ULK4: variants seen among roughly 807,000 people sequenced by gnomAD.
The protein encoded by ULK4 is unc-51 like kinase 4, also known as inactive serine/threonine-protein kinase ULK4.
In ULK4, 133 loss-of-function variants were observed where a neutral mutation model predicts 160.6. The observed-to-expected ratio is 0.83, with a 90% CI of 0.72 to 0.96. The LOEUF (loss-of-function observed/expected upper bound fraction) is 0.96, where lower values mean the gene tolerates loss of function less well. Ranked by LOEUF, ULK4 falls within the 40% of genes least tolerant of loss-of-function variation. The probability of loss-of-function intolerance (pLI) is 0.00; values close to 1 mark genes in which losing one functional copy is unlikely to be tolerated. For missense variants in ULK4, 1,580 were observed against 1,499.5 expected, an observed-to-expected ratio of 1.05 and a Z score of -0.89; for synonymous variants, 534 against 539.8, an observed-to-expected ratio of 0.99 and a Z score of 0.15.
At chr3:41,398,389 T>C (rs2082110541) in intron 34 of ULK4, 125 bp from the exon 35 acceptor site, 1 of 106,394 alleles carries the variant, frequency 9.4e-6, no homozygotes, top group Non-Finnish European at 1.4e-5. Context: ...ACTTTTTTAC[T>C]TTTTTTTTTT....
intron 33 of ULK4, 60 bp downstream of exon 33, chr3:41,463,014 AGAAAGAAGAGAAT>A: frequency 6.7e-7 from 1 of 1,503,096 alleles, no homozygotes; most frequent in Non-Finnish European, 9.0e-7. Context: ...GAGGAAGATA[AGAAAGAAGAGAAT>A]GAAAGGGAAG....
intron 21 of ULK4, among the ~76,000 whole-genome samples, chr3:41,773,113 C>T (rs1472603300): frequency 6.6e-6 from 1 of 152,174 alleles, no homozygotes; most frequent in Non-Finnish European, 1.5e-5. Context: ...CAGCCAATAT[C>T]ATACTGAATG....
intron 35 of ULK4, among the ~76,000 whole-genome samples, chr3:41,370,797 T>C (rs2081349236): frequency 6.6e-6 from 1 of 152,162 alleles, no homozygotes; most frequent in South Asian, 2.1e-4. Context: ...ATGAAAGAAC[T>C]GTTCACTACC....
chr3:41,747,699 A>G (rs974528117), intron 22 of ULK4, among the ~76,000 whole-genome samples: 2 of 152,174 alleles, frequency 1.3e-5, no homozygotes, highest in African/African-American at 4.8e-5. Flanking sequence ...CTAATCCAGC[A>G]GCAATGGTGT....
chr3:41,386,688 T>C (rs538515174), intron 35 of ULK4, among the ~76,000 whole-genome samples: 27 of 152,312 alleles, frequency 1.8e-4, no homozygotes, highest in African/African-American at 6.5e-4. Flanking sequence ...CTGGTTGATT[T>C]TTCCTATTAA....
intron 35 of ULK4, among the ~76,000 whole-genome samples, chr3:41,371,207 T>C (rs2081359629): frequency 6.6e-6 from 1 of 152,180 alleles, no homozygotes; most frequent in African/African-American, 2.4e-5. Context: ...AAGGGGCGGC[T>C]GTGGGCACAG....
chr3:41,305,435 C>T (rs971020205), intron 35 of ULK4, among the ~76,000 whole-genome samples: 13 of 152,230 alleles, frequency 8.5e-5, no homozygotes, highest in African/African-American at 1.4e-4. Flanking sequence ...TTGGCCAGGC[C>T]GGTCTCCAGC....
intron 12 of ULK4, among the ~76,000 whole-genome samples, chr3:41,905,773 CAT>C (rs1698531561): frequency 6.6e-6 from 1 of 152,226 alleles, no homozygotes; most frequent in East Asian, 1.9e-4. Context: ...ACCACTAAGA[CAT>C]AGAAATTCAC....
rs777787014 is a variant in ULK4 at position 41,705,057 on chromosome 3, C to T, written c.2781G>A (p.Thr927=). ...TTTTTCAAAAGCTGCCAGAACTGAC[C>T]GTGGAGCGATAGTCTTTCAATAAAA... ...YPILLKDYRS[T]VVDYILPPLV... Residue 927 remains threonine, a splice_region_variant and synonymous_variant, in exon 27 of 37, where the codon ACG becomes ACA. Transcript: ENST00000301831. The T allele has an allele frequency of 9.3e-6, 15 of 1,607,354 alleles. 1 individual carries two copies. In the East Asian group the frequency reaches 1.8e-4, roughly 19 times the overall value.
intron 32 of ULK4, among the ~76,000 whole-genome samples, chr3:41,497,239 C>T (rs908124843): frequency 6.6e-6 from 1 of 151,884 alleles, no homozygotes; most frequent in South Asian, 2.1e-4. Context: ...GAAGCATTCA[C>T]TTGTTGGGAT....
chr3:41,729,542 C>G (rs2037759007), intron 22 of ULK4, among the ~76,000 whole-genome samples: 2 of 152,228 alleles, frequency 1.3e-5, no homozygotes, highest in Non-Finnish European at 2.9e-5. Flanking sequence ...CAATACTCAA[C>G]AGTCCTGCAG....
intron 22 of ULK4, among the ~76,000 whole-genome samples, chr3:41,735,746 G>C (rs1392872202): frequency 1.3e-5 from 2 of 149,568 alleles, no homozygotes; most frequent in African/African-American, 2.5e-5. Flanking sequence ...TGTGCACAAT[G>C]TGCAGGTTTG....
chr3:41,715,591 T>C (rs1575599913), intron 23 of ULK4, 23 bp from the exon 24 acceptor site: 2 of 1,613,806 alleles, frequency 1.2e-6, no homozygotes, highest in Non-Finnish European at 1.7e-6. Context: ...GCCCAGAGCA[T>C]ATGTGGAGGT....
chr3:41,447,614 A>C (rs1330013371), intron 34 of ULK4, among the ~76,000 whole-genome samples: 1 of 152,166 alleles, frequency 6.6e-6, no homozygotes, highest in Middle Eastern at 3.2e-3. Context: ...TCCTGTTAGA[A>C]AAGGGTAATG....
intron 17 of ULK4, among the ~76,000 whole-genome samples, chr3:41,879,492 A>G (rs979118975): frequency 6.6e-6 from 1 of 151,946 alleles, no homozygotes; most frequent in Non-Finnish European, 1.5e-5. Context: ...GAAATTTTCC[A>G]TAATTTAAAA....
At chr3:41,858,823 C>A (rs1443423398) in intron 17 of ULK4, among the ~76,000 whole-genome samples, 2 of 151,740 alleles carry the variant, frequency 1.3e-5, no homozygotes, top group African/African-American at 4.8e-5. Flanking sequence ...TTTTTCCCCC[C>A]CATAGAAAGC....
intron 33 of ULK4, among the ~76,000 whole-genome samples, chr3:41,459,058 T>C (rs1328340192): frequency 6.8e-6 from 1 of 146,042 alleles, no homozygotes; most frequent in Non-Finnish European, 1.5e-5. Flanking sequence ...CCAGCCTTTA[T>C]TTTTATTTTT....
intron 31 of ULK4, among the ~76,000 whole-genome samples, chr3:41,568,624 G>C (rs193105962): frequency 6.6e-6 from 1 of 152,272 alleles, no homozygotes; most frequent in Non-Finnish European, 1.5e-5. Flanking sequence ...ATTTCTACCA[G>C]TTGTGTGGAA....
chr3:41,526,199 T>C (rs1385686117), intron 32 of ULK4, among the ~76,000 whole-genome samples: 1 of 152,196 alleles, frequency 6.6e-6, no homozygotes, highest in African/African-American at 2.4e-5. Context: ...TCTTTTTCTC[T>C]TATATTATTT....
Sources: allele counts gnomAD v4.1 joint callset (sites outside exome capture counted in the v4.1 genomes callset), GRCh38; gene constraint gnomAD v4.1.1; transcripts MANE v1.5; gene names NCBI Gene and HGNC (gene_info 2026-07-23, HGNC 2026-07-21).